The following SLC7A8 variants were observed in gnomAD, a reference collection of about 807,000 sequenced individuals.
The protein encoded by SLC7A8 is large neutral amino acids transporter small subunit 2.
SLC7A8 carries 30 observed loss-of-function variants against 51.2 expected under a neutral mutation model. The observed-to-expected ratio is 0.59, with a 90% CI of 0.44 to 0.80. The LOEUF is 0.80. SLC7A8 is among the 30% of genes least tolerant of loss of function. The probability of loss-of-function intolerance (pLI) is 0.00; values close to 1 mark genes in which losing one functional copy is unlikely to be tolerated. For missense variants in SLC7A8, 612 were observed against 674.4 expected (o/e 0.91, Z 1.03); for synonymous variants, 257 against 275.8 (o/e 0.93, Z 0.67).
chr14:23,137,805 C>T (rs1227626762), intron 7 of SLC7A8, 116 bp downstream of exon 7: 55 of 1,338,240 alleles, frequency 4.1e-5, no homozygotes, highest in Non-Finnish European at 5.6e-5. Flanking sequence ...CTCTGCAAGC[C>T]CAACATCCAG....
At chr14:23,129,847 A>G in intron 8 of SLC7A8, 48 bp from the exon 9 acceptor site, 1 of 1,604,662 alleles carries the variant, frequency 6.2e-7, no homozygotes, top group South Asian at 1.1e-5. Context: ...ATATTCAGAG[A>G]CTGGTATTAC....
intron 3 of SLC7A8, among the ~76,000 whole-genome samples, chr14:23,152,087 G>A (rs1402638347): frequency 1.3e-5 from 2 of 151,950 alleles, no homozygotes; most frequent in Non-Finnish European, 2.9e-5. Flanking sequence ...GAAAAAAAAA[G>A]CTCACTAAGA....
chr14:23,157,792 C>T (rs2140330189), intron 3 of SLC7A8, among the ~76,000 whole-genome samples: 1 of 152,334 alleles, frequency 6.6e-6, no homozygotes, highest in Admixed American at 6.5e-5. Context: ...CTTCTTCAAC[C>T]CCAGTCCCAT....
chr14:23,136,764 T>C (rs3783436), intron 7 of SLC7A8, among the ~76,000 whole-genome samples: 50,224 of 152,076 alleles, frequency 0.33, 9,307 homozygotes, highest in East Asian at 0.58. Flanking sequence ...CTAAAGTGAC[T>C]GTAGCCAGTC....
At chr14:23,181,604 T>C (rs1877187098) in intron 1 of SLC7A8, among the ~76,000 whole-genome samples, 1 of 152,244 alleles carries the variant, frequency 6.6e-6, no homozygotes, top group East Asian at 1.9e-4. Context: ...GATGCCAAAA[T>C]ATCTCTGAGC....
At chr14:23,142,027 G>C (rs563017922) in intron 4 of SLC7A8, among the ~76,000 whole-genome samples, 1 of 152,348 alleles carries the variant, frequency 6.6e-6, no homozygotes, top group South Asian at 2.1e-4. Context: ...TGACAAGATA[G>C]CGCAGTGATT....
At chr14:23,138,201 G>A in intron 6 of SLC7A8, 177 bp from the exon 7 acceptor site, 1 of 660,350 alleles carries the variant, frequency 1.5e-6, no homozygotes, top group Admixed American at 3.0e-5. Flanking sequence ...GGTGGTTAAT[G>A]CATGTTTTAG....
intron 1 of SLC7A8, among the ~76,000 whole-genome samples, chr14:23,173,801 C>T (rs145405684): frequency 2.6e-3 from 393 of 151,776 alleles, no homozygotes; most frequent in Non-Finnish European, 4.0e-3. Context: ...CCACCCCACC[C>T]GACTAATTTT....
chr14:23,176,319 AT>A (rs1373815126), intron 1 of SLC7A8, among the ~76,000 whole-genome samples: 1 of 151,774 alleles, frequency 6.6e-6, no homozygotes, highest in Non-Finnish European at 1.5e-5. Flanking sequence ...AACCCTTAAA[AT>A]TTTTTCCCCC....
chr14:23,161,746 G>A (rs1367487075), intron 3 of SLC7A8, among the ~76,000 whole-genome samples: 1 of 152,084 alleles, frequency 6.6e-6, no homozygotes, highest in African/African-American at 2.4e-5. Context: ...TGACCAACTT[G>A]GGGAAACCCC....
At chr14:23,134,309 T>TGCCTGTA (rs1280573956) in intron 7 of SLC7A8, among the ~76,000 whole-genome samples, 5 of 151,614 alleles carry the variant, frequency 3.3e-5, no homozygotes, top group Admixed American at 3.3e-4. Context: ...TGGTAGAGCG[T>TGCCTGTA]GCCTGTAGTT....
chr14:23,168,637 G>T (rs1008679485), intron 1 of SLC7A8, among the ~76,000 whole-genome samples: 1 of 152,202 alleles, frequency 6.6e-6, no homozygotes, highest in Non-Finnish European at 1.5e-5. Context: ...AAAGGGAGGA[G>T]TGTATAGCTA....
At position 23,140,643 on chromosome 14, in the gene SLC7A8, G is replaced by A; in HGVS notation, c.635-19C>T. The A allele has an allele frequency of 1.2e-6, 2 of 1,602,004 alleles. No individual in the cohort carries two copies. The highest frequency in any genetic ancestry group is 1.7e-6 in the Non-Finnish European group (2 of 1,170,702). ...TACTCTCCTGTGGACACAAGCAACAGGAGGCCGCTCAGTGAGACAAGTCAG... is the reference window on the plus strand; with the variant it reads ...TACTCTCCTGTGGACACAAGCAACAAGAGGCCGCTCAGTGAGACAAGTCAG... On this transcript the variant is annotated intron_variant, in intron 4 of 10. Transcript: ENST00000316902.
At position 23,128,094 on chromosome 14, in the gene SLC7A8, T is replaced by C; in HGVS notation, c.1366A>G (p.Met456Val). 1 of 1,614,152 alleles carries C rather than the reference T, an allele frequency of 6.2e-7. No homozygotes were observed. The highest frequency in any genetic ancestry group is 1.3e-5 in the African/African-American group (1 of 75,030). The change falls in exon 10 of 11, where the codon ATG (methionine) becomes GTG (valine). Residue 456 changes from methionine to valine, a missense_variant. Met to Val is a conservative substitution (Grantham distance 21). Coordinates refer to ENST00000316902, the MANE Select transcript of SLC7A8 (RefSeq NM_012244.4). The surrounding 1 kb of genome is among the most constrained non-coding windows in gnomAD (Gnocchi z 4.3). Reference protein sequence around the residue: ...PVVCGIGLAIMLTGVPVYFLG... With the variant: ...PVVCGIGLAIVLTGVPVYFLG... ...AAATAGACAGGCACTCCTGTCAGCA[T>C]GATGGCCAGGCCAATGCCACACACC...
intron 1 of SLC7A8, 40 bp downstream of exon 1, chr14:23,182,724 G>C (rs1877234518): frequency 6.6e-7 from 1 of 1,515,620 alleles, no homozygotes; most frequent in Non-Finnish European, 8.8e-7. Flanking sequence ...AGGACCACCA[G>C]AGGGGAGAGG....
At chr14:23,168,044 G>A (rs76812008) in intron 1 of SLC7A8, among the ~76,000 whole-genome samples, 45,675 of 151,636 alleles carry the variant, frequency 0.3, 9,384 homozygotes, top group African/African-American at 0.59. Flanking sequence ...TTTGGTGCTG[G>A]GAGTCTTTCC....
intron 7 of SLC7A8, among the ~76,000 whole-genome samples, chr14:23,134,917 T>C (rs1344527900): frequency 6.6e-6 from 1 of 152,154 alleles, no homozygotes; most frequent in Non-Finnish European, 1.5e-5. Flanking sequence ...ATCAATTTTA[T>C]TTTTTACTTA....
chr14:23,178,279 T>G (rs552085539), intron 1 of SLC7A8, among the ~76,000 whole-genome samples: 5 of 152,162 alleles, frequency 3.3e-5, no homozygotes, highest in Non-Finnish European at 7.3e-5. Context: ...TCTTTCGACT[T>G]TGGGGGGAAC....
intron 3 of SLC7A8, among the ~76,000 whole-genome samples, chr14:23,157,572 C>T (rs1454054514): frequency 6.6e-6 from 1 of 152,160 alleles, no homozygotes; most frequent in Non-Finnish European, 1.5e-5. Context: ...TTTCTTGCCT[C>T]CTAGTCTATG....
Sources: allele counts gnomAD v4.1 joint callset (sites outside exome capture counted in the v4.1 genomes callset), GRCh38; gene constraint gnomAD v4.1.1; non-coding constraint Gnocchi (gnomAD v3.1); transcripts MANE v1.5; gene names NCBI Gene and HGNC (gene_info 2026-07-23, HGNC 2026-07-21).